ZNF721: variants seen among roughly 807,000 people sequenced by gnomAD.
ZNF721 encodes zinc finger protein 721.
Under a neutral mutation model 2.4 loss-of-function variants are expected in ZNF721, and 2 were observed. The ratio of observed to expected loss-of-function variants is 0.82; its 90% CI spans 0.34 to 2.58. ZNF721 has a LOEUF of 2.58. ZNF721 is among the 30% of genes most tolerant of loss of function. The probability of loss-of-function intolerance (pLI) is 0.11; values close to 1 mark genes in which losing one functional copy is unlikely to be tolerated. For missense variants in ZNF721, 1,187 were observed against 1,085.5 expected, an observed-to-expected ratio of 1.09 and a Z score of -1.31; for synonymous variants, 398 against 381.8, an observed-to-expected ratio of 1.04 and a Z score of -0.50.
rs374144386 is a variant in ZNF721, at chr4:465,604, T to C, written c.34+6971A>G. On this transcript the variant is annotated intron_variant, in intron 2 of 2. Transcript: ENST00000511833. ...CCACCACCATGCCCGGCTAATTTTT[T>C]TGTATTTTTAGTAGAGATGGGTTTC... 5.9e-5 allele frequency among the ~76,000 whole-genome samples: 9 copies of C among 152,092 alleles called. No individual in the cohort carries two copies. In the South Asian group the frequency reaches 1.2e-3, roughly 21 times the overall value.
chr4:478,722 CATAA>C (rs1306590281), intron 1 of ZNF721, among the ~76,000 whole-genome samples: 8 of 151,466 alleles, frequency 5.3e-5, no homozygotes, highest in African/African-American at 1.5e-4. Context: ...GCTACGCATA[CATAA>C]ATAGATAAGT....
chr4:470,842 A>G (rs1407330804), intron 2 of ZNF721, among the ~76,000 whole-genome samples: 1 of 152,076 alleles, frequency 6.6e-6, no homozygotes, highest in African/African-American at 2.4e-5. Flanking sequence ...CTACTAAAAA[A>G]TACAAAACTT....
rs370970922 is a variant in ZNF721, at chr4:441,824, A to C, written c.2643T>G (p.Tyr881Ter). The C allele has an allele frequency of 3.1e-6, 5 of 1,614,064 alleles. No individual in the cohort carries two copies. The highest frequency in any genetic ancestry group is 1.1e-5 in the South Asian group (1 of 91,082). Residue 881 changes from tyrosine (Y) to a stop codon, truncating the protein, a stop_gained, in exon 3 of 3, where the codon TAT becomes TAG. Coordinates refer to ENST00000511833, the MANE Select transcript of ZNF721 (RefSeq NM_133474.4). LOFTEE classifies it low-confidence loss of function (END_TRUNC). ...CTCCAGTATGAATTTTCTTATGCGC[A>C]TAAAGATTTGCAGACTGTCTAAAGG... ...GKTFRQSANL[Y>*]AHKKIHTGEK...
At chr4:481,400 T>C (rs1376394667) in intron 1 of ZNF721, among the ~76,000 whole-genome samples, 1 of 152,188 alleles carries the variant, frequency 6.6e-6, no homozygotes, top group East Asian at 1.9e-4. Flanking sequence ...CTCACTGGGA[T>C]TGTGCTTTCC....
chr4:448,770 A>T (rs1576954136), intron 2 of ZNF721, among the ~76,000 whole-genome samples: 1 of 152,232 alleles, frequency 6.6e-6, no homozygotes, highest in East Asian at 1.9e-4. Context: ...TCTGCCAAAA[A>T]TACAAACTCA....
chr4:461,629 T>C (rs1372015527), intron 2 of ZNF721, among the ~76,000 whole-genome samples: 1 of 152,132 alleles, frequency 6.6e-6, no homozygotes, highest in Non-Finnish European at 1.5e-5. Context: ...TCCCAGCACT[T>C]TGGGAGGCTG....
rs558042535 is a variant in ZNF721, at chr4:474,104, A to G, written c.-93-1403T>C. 7 of 1,249,364 alleles carry G rather than the reference A, an allele frequency of 5.6e-6. No individual in the cohort carries two copies. The South Asian group carries it at 5.9e-5, about 11-fold the overall frequency. 77.4% of individuals were successfully genotyped at this position (1,249,364 alleles called of 1,614,324 possible). On this transcript the variant is annotated intron_variant, in intron 1 of 2. Transcript: ENST00000511833. ...CGAGGCCTCCCTGAGGTGTGGAAGC[A>G]GGGAAGTGAGGCCCTAACCGAGCTC...
chr4:454,162 GC>G (rs1387837650), intron 2 of ZNF721: 4 of 152,200 alleles, frequency 2.6e-5, no homozygotes, highest in Non-Finnish European at 5.9e-5. Context: ...CCCTGGGGGG[GC>G]CCTCTGGATA....
At chr4:449,905 G>C (rs564655728) in intron 2 of ZNF721, among the ~76,000 whole-genome samples, 2 of 152,260 alleles carry the variant, frequency 1.3e-5, no homozygotes, top group African/African-American at 2.4e-5. Flanking sequence ...AAATATGTTA[G>C]TGAGAATGAA....
In ZNF721 at chr4:474,359, G is replaced by A. The variant is rs148219188; in HGVS notation, c.-93-1658C>T. Among the ~76,000 whole-genome samples the A allele has an allele frequency of 4.1e-3, 630 of 152,322 alleles. 6 individuals are homozygous for A. Among genetic ancestry groups the A allele is most frequent in the African/African-American group, 0.014 (600 of 41,580 alleles). On this transcript the variant is annotated intron_variant, in intron 1 of 2. Coordinates refer to ENST00000511833, the MANE Select transcript of ZNF721 (RefSeq NM_133474.4). Reference sequence around the variant, plus strand: ...CTTTCAGGCGGCGCTTAATCTCTGTGCTAGGCTTGGCTCTGCACAGGGTTC... The same window carrying A: ...CTTTCAGGCGGCGCTTAATCTCTGTACTAGGCTTGGCTCTGCACAGGGTTC...
At chr4:475,800 C>T (rs550538080) in intron 1 of ZNF721, among the ~76,000 whole-genome samples, 58 of 151,948 alleles carry the variant, frequency 3.8e-4, no homozygotes, top group Non-Finnish European at 7.4e-4. Context: ...CCCCTACTAA[C>T]GTGCTATTTC....
rs546263990 is a variant in ZNF721, at chr4:446,743, GA to G, written c.35-2312del. On this transcript the variant is annotated intron_variant, in intron 2 of 2. Coordinates refer to ENST00000511833, the MANE Select transcript of ZNF721 (RefSeq NM_133474.4). ...AGAGTCTCACTCTGTTGCCAGGCTG[GA>G]GTGCAGCAGCACAATCTTGGCTCAC... is the stretch of plus-strand genomic sequence containing the variant. Among the ~76,000 whole-genome samples, 24 of 151,518 alleles carry G rather than the reference GA, an allele frequency of 1.6e-4. No homozygotes were observed. The South Asian group carries it at 4.8e-3, about 30-fold the overall frequency.
rs145473995 is a variant in ZNF721, at chr4:474,220, G to T, written c.-93-1519C>A. 1.0e-2 allele frequency: 3,903 copies of T among 391,374 alleles called. 55 individuals carry two copies. Among genetic ancestry groups the T allele is most frequent in the Middle Eastern group, 0.059 (94 of 1,590 alleles). The allele number at this position is 391,374 out of a possible 1,614,324, so 24.2% of individuals were successfully genotyped here. On this transcript the variant is annotated intron_variant, in intron 1 of 2. Transcript: ENST00000511833. ...GCCTGATTGGGCAGTTCTCAGTCAA[G>T]CGCTCTGATTGGATATGGGTCCAGG... is the stretch of plus-strand genomic sequence containing the variant.
At chr4:494,482 G>A (rs1463420470) in intron 1 of ZNF721, among the ~76,000 whole-genome samples, 6 of 151,960 alleles carry the variant, frequency 3.9e-5, no homozygotes, top group Non-Finnish European at 8.8e-5. Context: ...CACCGCACCT[G>A]GCTGGAAGTA....
intron 1 of ZNF721, among the ~76,000 whole-genome samples, chr4:478,013 G>A (rs1715677571): frequency 6.6e-6 from 1 of 152,116 alleles, no homozygotes; most frequent in Non-Finnish European, 1.5e-5. Context: ...CAAAGACAAA[G>A]GCAGACACTT....
intron 1 of ZNF721, among the ~76,000 whole-genome samples, chr4:487,483 A>G (rs1338028920): frequency 1.3e-5 from 2 of 152,160 alleles, no homozygotes; most frequent in Non-Finnish European, 2.9e-5. Flanking sequence ...TGGCCCAGCT[A>G]AGCCCAGCCT....
At chr4:476,671 T>C (rs1560239996) in intron 1 of ZNF721, among the ~76,000 whole-genome samples, 1 of 152,214 alleles carries the variant, frequency 6.6e-6, no homozygotes, top group African/African-American at 2.4e-5. Context: ...GCTGGCATTA[T>C]TATTGCCTCC....
At chr4:468,198 C>A (rs930748615) in intron 2 of ZNF721, among the ~76,000 whole-genome samples, 14 of 151,200 alleles carry the variant, frequency 9.3e-5, no homozygotes, top group African/African-American at 3.2e-4. Flanking sequence ...ACCCAGCAGG[C>A]GGAGCTTGCA....
At position 440,226 on chromosome 4, in the gene ZNF721, C is replaced by T. The variant is rs1714185261; in HGVS notation, c.*1469G>A. 1 of 152,136 alleles carries T rather than the reference C, an allele frequency of 6.6e-6. No homozygotes were observed. 9.4% of individuals were successfully genotyped at this position (152,136 alleles called of 1,614,324 possible). A position where few individuals can be genotyped will look rare whatever the true frequency, so the allele number is the denominator to read the frequency against. ...CCTCTCTGCTCAGATTTTCCTGGTG[C>T]ATCTTTTATTTCTCTTCTCTTTCAT... On this transcript the variant is annotated 3_prime_UTR_variant, in exon 3 of 3. Transcript: ENST00000511833.
Sources: gnomAD v4.1 joint callset for allele counts (sites outside exome capture counted in the v4.1 genomes callset) on GRCh38, gnomAD v4.1.1 for gene constraint, MANE v1.5 for transcripts, NCBI Gene and HGNC (gene_info 2026-07-23, HGNC 2026-07-21) for gene names.